The following CARD10 variants were observed in gnomAD, a reference collection of about 807,000 sequenced individuals.
The protein encoded by CARD10 is caspase recruitment domain-containing protein 10.
CARD10 carries 49 observed loss-of-function variants against 114.6 expected under a neutral mutation model. That is an observed-to-expected ratio of 0.43 (90% CI 0.34 to 0.54). CARD10 has a LOEUF of 0.54. CARD10 is among the 20% of genes least tolerant of loss of function. The pLI, the probability that CARD10 is intolerant of heterozygous loss-of-function variation, is 0.03. For missense variants in CARD10, 1,206 were observed against 1,397.2 expected, an observed-to-expected ratio of 0.86 and a Z score of 2.18; for synonymous variants, 602 against 593.2, an observed-to-expected ratio of 1.01 and a Z score of -0.21.
chr22:37,508,670 G>C lies in CARD10; in HGVS notation c.922C>G (p.Pro308Ala). The C allele has an allele frequency of 6.4e-7, 1 of 1,564,658 alleles. No individual in the cohort carries two copies. Among genetic ancestry groups the C allele is most frequent in the East Asian group, 2.3e-5 (1 of 42,636 alleles). The change falls in exon 5 of 20, where the codon CCG becomes GCG. Residue 308 changes from proline (P) to alanine (A), a missense_variant. Physicochemically the swap from Pro to Ala is conservative, Grantham distance 27. Transcript: ENST00000251973. ...ATGCGCTCGGAGCCCGGGGCCCCCG[G>C]CCGGCTCGCCTCCTGGGGATCACAG... ...QEGLQQEASR[P>A]GAPGSERILL...
intron 11 of CARD10, 111 bp downstream of exon 11, chr22:37,502,491 T>C (rs1488510954): frequency 7.9e-7 from 1 of 1,261,764 alleles, no homozygotes; most frequent in Admixed American, 2.3e-5. Flanking sequence ...CAGATCTTAA[T>C]CTTCCAATAG....
intron 4 of CARD10, among the ~76,000 whole-genome samples, chr22:37,509,621 G>A (rs1205205837): frequency 6.7e-6 from 1 of 148,984 alleles, no homozygotes; most frequent in Non-Finnish European, 1.5e-5. Flanking sequence ...AGTACCTGCT[G>A]CAGGCCCTCC....
chr22:37,491,566 G>A (rs12169731), intron 19 of CARD10, among the ~76,000 whole-genome samples, 173 bp from the exon 20 acceptor site: 5 of 3,638 alleles, frequency 1.4e-3, no homozygotes, highest in South Asian at 9.3e-3. Flanking sequence ...AGGGAGAGAC[G>A]GGGGAGGGAG....
Position 37,508,084 on chromosome 22 carries a change from G to A in CARD10, c.1066-130C>T, listed in dbSNP as rs1923476804. 8.4e-6 allele frequency: 9 copies of A among 1,077,018 alleles called. 1 individual carries two copies. The South Asian group carries it at 1.2e-4, about 14-fold the overall frequency. 66.7% of individuals were successfully genotyped at this position (1,077,018 alleles called of 1,614,324 possible). A position where few individuals can be genotyped will look rare whatever the true frequency, so the allele number is the denominator to read the frequency against. On this transcript the variant is annotated intron_variant, in intron 5 of 19. Transcript: ENST00000251973. ...GAGACCCAATAACAAGTCCCCTCCT[G>A]CCCAGTGGAGTGGTCTGAGCCACTG... is the stretch of plus-strand genomic sequence containing the variant.
intron 5 of CARD10, 104 bp from the exon 6 acceptor site, chr22:37,508,058 TGAGACCCAATAACAA>T: frequency 2.1e-6 from 3 of 1,400,660 alleles, no homozygotes; most frequent in Non-Finnish European, 3.0e-6. Flanking sequence ...ACCAACAGTC[TGAGACCCAATAACAA>T]GTCCCCTCCT....
In CARD10 at chr22:37,496,941, G is replaced by A; in HGVS notation, c.1947+78C>T. 1 of 1,454,472 alleles carries A rather than the reference G, an allele frequency of 6.9e-7. No homozygotes were observed. Among genetic ancestry groups the A allele is most frequent in the East Asian group, 2.3e-5 (1 of 42,620 alleles). 90.1% of individuals were successfully genotyped at this position (1,454,472 alleles called of 1,614,324 possible). A position where few individuals can be genotyped will look rare whatever the true frequency, so the allele number is the denominator to read the frequency against. On this transcript the variant is annotated intron_variant, in intron 12 of 19. Transcript: ENST00000251973. This position sits in a 1 kb window ranked among gnomAD's most constrained non-coding sequence, Gnocchi z 4.1. ...CCCAGAAGCTCTGCCCGGTGATCTT[G>A]ATCCACCAAATTAAGGGATGTCCAG...
intron 3 of CARD10, among the ~76,000 whole-genome samples, chr22:37,511,138 G>A (rs1167669190): frequency 2.0e-5 from 3 of 149,922 alleles, no homozygotes. Context: ...TTAGAAGGCC[G>A]AGGCGGGCAG....
At chr22:37,508,072 A>G in intron 5 of CARD10, 118 bp from the exon 6 acceptor site, 1 of 1,237,910 alleles carries the variant, frequency 8.1e-7, no homozygotes, top group Non-Finnish European at 1.1e-6. Flanking sequence ...ACCCAATAAC[A>G]AGTCCCCTCC....
chr22:37,506,965 G>T (rs1923434589), intron 6 of CARD10, among the ~76,000 whole-genome samples: 1 of 152,218 alleles, frequency 6.6e-6, no homozygotes, highest in Non-Finnish European at 1.5e-5. Flanking sequence ...CTTGCCAGGG[G>T]ATTCTGAGGG....
rs376261116 is a variant in CARD10 at position 37,507,939 on chromosome 22, C to G, written c.1081G>C (p.Glu361Gln). Residue 361 changes from glutamate (E) to glutamine (Q), a missense_variant, in exon 6 of 20, where the codon GAA (glutamate) becomes CAA (glutamine). Coordinates refer to ENST00000251973, the MANE Select transcript of CARD10 (RefSeq NM_014550.4). ...GTGCGGTGCTTGAGCCGCAGGTCTT[C>G]CATCTCCTGCAGGTACTGAGGGTGG... ...ELRDQYLQEMEDLRLKHRTLQ... is the reference protein window; with the variant it reads ...ELRDQYLQEMQDLRLKHRTLQ... The G allele has an allele frequency of 2.5e-6, 4 of 1,614,010 alleles. No individual in the cohort carries two copies. The highest frequency in any genetic ancestry group is 3.4e-6 in the Non-Finnish European group (4 of 1,180,008).
In CARD10 at chr22:37,508,704, C is replaced by A. The variant is rs376612501; in HGVS notation, c.910-22G>T. 1.0e-4 allele frequency: 158 copies of A among 1,538,298 alleles called. No individual in the cohort carries two copies. The African/African-American group carries it at 1.9e-3, about 18-fold the overall frequency. On this transcript the variant is annotated intron_variant, in intron 4 of 19. Transcript: ENST00000251973. ...CCTCCTGGGGATCACAGGGCAGGGCCACCTCAGGGTCTGGCTAGGGGCCCA... is the reference window on the plus strand; with the variant it reads ...CCTCCTGGGGATCACAGGGCAGGGCAACCTCAGGGTCTGGCTAGGGGCCCA...
At position 37,503,229 on chromosome 22, in the gene CARD10, G is replaced by A. The variant is rs1476642654; in HGVS notation, c.1635-16C>T. On this transcript the variant is annotated splice_polypyrimidine_tract_variant and intron_variant, in intron 9 of 19. Transcript: ENST00000251973. ...GCTGAAGGATCTGGGCAGAGAGAGG[G>A]CAGGGAGGGGGCAGGAGGTGAGGCA... 9 of 1,608,866 alleles carry A rather than the reference G, an allele frequency of 5.6e-6. No homozygotes were observed. The highest frequency in any genetic ancestry group is 7.6e-6 in the Non-Finnish European group (9 of 1,177,976).
Position 37,519,246 on chromosome 22 carries a change from C to G in CARD10, c.-46G>C. On this transcript the variant is annotated 5_prime_UTR_variant, in exon 1 of 20. Coordinates refer to ENST00000251973, the MANE Select transcript of CARD10 (RefSeq NM_014550.4). This position sits in a 1 kb window ranked among gnomAD's most constrained non-coding sequence, Gnocchi z 4.1. ...CGGGCAAGAGGCGCACGGGGGTCGACCAGGGCTCCCTAGGGCTAGATGTGC... is the reference window on the plus strand; with the variant it reads ...CGGGCAAGAGGCGCACGGGGGTCGAGCAGGGCTCCCTAGGGCTAGATGTGC... 2 of 1,464,058 alleles carry G rather than the reference C, an allele frequency of 1.4e-6. No individual in the cohort carries two copies. Among genetic ancestry groups the G allele is most frequent in the Admixed American group, 4.5e-5 (2 of 44,664 alleles). 90.7% of individuals were successfully genotyped at this position (1,464,058 alleles called of 1,614,324 possible).
At chr22:37,491,900 T>C in intron 18 of CARD10, 33 bp from the exon 19 acceptor site, 8 of 1,460,000 alleles carry the variant, frequency 5.5e-6, no homozygotes, top group Non-Finnish European at 7.6e-6. Context: ...AATGTACTCC[T>C]GGGCCACAGA....
In CARD10 at chr22:37,509,426, C is replaced by T. The variant is rs374479826; in HGVS notation, c.910-744G>A. 9.2e-5 allele frequency among the ~76,000 whole-genome samples: 14 copies of T among 152,206 alleles called. 1 individual carries two copies. The East Asian group carries it at 1.5e-3, about 17-fold the overall frequency. Reference sequence around the variant, plus strand: ...CCCTAGACCAGACAACCAGGGACAGCCACGTGCTAAGGGCCCTCAGCTCAG... The same window carrying T: ...CCCTAGACCAGACAACCAGGGACAGTCACGTGCTAAGGGCCCTCAGCTCAG... On this transcript the variant is annotated intron_variant, in intron 4 of 19. Transcript: ENST00000251973.
intron 2 of CARD10, 128 bp from the exon 3 acceptor site, chr22:37,516,426 TGGGAGCAG>T: frequency 4.4e-6 from 3 of 677,186 alleles, no homozygotes; most frequent in South Asian, 2.3e-5. Flanking sequence ...TTTGTAGAAT[TGGGAGCAG>T]GGGAGGTCTT....
At chr22:37,494,975 T>C (rs1190511799) in intron 15 of CARD10, among the ~76,000 whole-genome samples, 2 of 152,134 alleles carry the variant, frequency 1.3e-5, no homozygotes, top group Non-Finnish European at 2.9e-5. Context: ...TTTTGTTTTT[T>C]TTTTTGAAAC....
rs770011081 is a variant in CARD10 at position 37,491,190 on chromosome 22, C to A, written c.3068G>T (p.Ser1023Ile). The stretch of plus-strand genomic sequence containing the variant: ...CTCACTGCTGCTGGGGCAGCCTCTG[C>A]TGCTGCCGCACTCCACCCACACGAG... ...ARLVWVECGS[S>I]RGCPSSSEA Residue 1023 changes from serine to isoleucine, a missense_variant, in exon 20 of 20, where the codon AGC (serine) becomes ATC (isoleucine). Ser to Ile is a moderately radical substitution (Grantham distance 142). Coordinates refer to ENST00000251973, the MANE Select transcript of CARD10 (RefSeq NM_014550.4). The A allele has an allele frequency of 6.4e-7, 1 of 1,571,788 alleles. No homozygotes were observed. The highest frequency in any genetic ancestry group is 1.2e-5 in the South Asian group (1 of 86,002).
At chr22:37,515,521 C>A (rs1317233721) in intron 3 of CARD10, among the ~76,000 whole-genome samples, 1 of 149,764 alleles carries the variant, frequency 6.7e-6, no homozygotes, top group Non-Finnish European at 1.5e-5. Context: ...CGAGATCACA[C>A]CACTGCACTC....
Sources: gnomAD v4.1 joint callset for allele counts (sites outside exome capture counted in the v4.1 genomes callset) on GRCh38, gnomAD v4.1.1 for gene constraint, Gnocchi (gnomAD v3.1) non-coding constraint, MANE v1.5 for transcripts, NCBI Gene and HGNC (gene_info 2026-07-23, HGNC 2026-07-21) for gene names.